Variants in ZNF493 observed in about 807,000 individuals in gnomAD.
ZNF493 encodes zinc finger protein 493.
In ZNF493, 11 loss-of-function variants were observed where a neutral mutation model predicts 12.2. The observed-to-expected ratio is 0.90, with a 90% confidence interval of 0.57 to 1.50. ZNF493 has a LOEUF of 1.50. ZNF493 is among the 40% of genes most tolerant of loss of function. The probability of loss-of-function intolerance (pLI) is 0.00; values close to 1 mark genes in which losing one functional copy is unlikely to be tolerated. For missense variants in ZNF493, 950 were observed against 906.6 expected, an observed-to-expected ratio of 1.05 and a Z score of -0.61; for synonymous variants, 286 against 302.6, an observed-to-expected ratio of 0.95 and a Z score of 0.57.
intron 3 of ZNF493, chr19:21,413,521 G>A (rs2030390273): frequency 2.5e-6 from 1 of 402,378 alleles, no homozygotes; most frequent in Admixed American, 4.4e-5. Context: ...GGGTGGCTGT[G>A]TTCGACGTGT....
chr19:21,418,671 A>G (rs892406185), intron 3 of ZNF493, among the ~76,000 whole-genome samples: 2 of 152,198 alleles, frequency 1.3e-5, no homozygotes, highest in African/African-American at 4.8e-5. Context: ...ACAGAGATTT[A>G]CCCACGTATT....
intron 1 of ZNF493, among the ~76,000 whole-genome samples, chr19:21,401,606 C>CTATT (rs1206283509): frequency 4.6e-5 from 7 of 151,424 alleles, no homozygotes; most frequent in Non-Finnish European, 7.4e-5. Flanking sequence ...GGTGGGCAGG[C>CTATT]TATTTATTTA....
At chr19:21,408,735 A>G (rs1002568557) in intron 3 of ZNF493, 9 of 985,004 alleles carry the variant, frequency 9.1e-6, no homozygotes, top group Middle Eastern at 5.2e-4. Context: ...TCAATTTGCA[A>G]TTCTGTCTGT....
chr19:21,423,652 T>A lies in ZNF493; in HGVS notation c.993T>A (p.Ser331Arg). 2 of 1,609,278 alleles carry A rather than the reference T, an allele frequency of 1.2e-6. No individual in the cohort carries two copies. The highest frequency in any genetic ancestry group is 1.7e-6 in the Non-Finnish European group (2 of 1,179,398). Residue 331 changes from serine to arginine, a missense_variant, in exon 4 of 4, where the codon AGT becomes AGA. Ser to Arg is a moderately radical substitution (Grantham distance 110). Coordinates refer to ENST00000392288, the MANE Select transcript of ZNF493 (RefSeq NM_001076678.3). The part of the protein sequence containing the change: ...YKCEECGKAF[S>R]IFSTPTKHKI... ...GTGAAGAATGTGGCAAAGCCTTTAG[T>A]ATTTTCTCAACCCCTACTAAACATA... is the stretch of plus-strand genomic sequence containing the variant.
At chr19:21,419,107 G>GAA (rs2030579674) in intron 3 of ZNF493, among the ~76,000 whole-genome samples, 1 of 152,106 alleles carries the variant, frequency 6.6e-6, no homozygotes, top group Non-Finnish European at 1.5e-5. Context: ...GGAAGACCTT[G>GAA]GCTTGTTAGC....
chr19:21,415,156 A>G (rs1315524352), intron 3 of ZNF493, among the ~76,000 whole-genome samples: 2 of 152,158 alleles, frequency 1.3e-5, no homozygotes, highest in Admixed American at 6.5e-5. Context: ...TTGGACAATA[A>G]CACCAGTAGG....
chr19:21,404,096 A>C (rs1411659800), intron 1 of ZNF493, among the ~76,000 whole-genome samples: 1 of 152,218 alleles, frequency 6.6e-6, no homozygotes, highest in Non-Finnish European at 1.5e-5. Context: ...TAAAATGCTT[A>C]TTTAAACAGG....
chr19:21,405,903 G>C, intron 3 of ZNF493, 47 bp downstream of exon 3: 35 of 217,188 alleles, frequency 1.6e-4, no homozygotes, highest in Non-Finnish European at 2.4e-4. Flanking sequence ...AAGGTTGAAA[G>C]ATTTAAAAAA....
intron 3 of ZNF493, chr19:21,414,745 G>A (rs972541728): frequency 1.5e-4 from 23 of 152,124 alleles, no homozygotes; most frequent in Admixed American, 6.6e-4. Flanking sequence ...AGTATAGGGC[G>A]TCTGGAAAAC....
At chr19:21,413,471 C>T (rs1414629638) in intron 3 of ZNF493, 1 of 404,892 alleles carries the variant, frequency 2.5e-6, no homozygotes, top group Non-Finnish European at 4.3e-6. Flanking sequence ...TTCAGGTTTT[C>T]TTCCGCCATC....
chr19:21,405,676 TTACA>T, intron 2 of ZNF493, 81 bp from the exon 3 acceptor site: 5 of 1,191,520 alleles, frequency 4.2e-6, no homozygotes, highest in Non-Finnish European at 5.9e-6. Context: ...GAATATTCTA[TTACA>T]TCCTCTTTAC....
rs2030885789 is a variant in ZNF493 at position 21,427,542 on chromosome 19, T to A, written c.*2558T>A. Reference sequence around the variant, plus strand: ...TCAACATTTTTAACATGGTAAATATTATTGTGCATTCAATAAAGTGTTGTT... The same window carrying A: ...TCAACATTTTTAACATGGTAAATATAATTGTGCATTCAATAAAGTGTTGTT... On this transcript the variant is annotated 3_prime_UTR_variant, in exon 4 of 4. Coordinates refer to ENST00000392288, the MANE Select transcript of ZNF493 (RefSeq NM_001076678.3). The A allele has an allele frequency of 6.6e-6, 1 of 152,156 alleles. No homozygotes were observed. Among genetic ancestry groups the A allele is most frequent in the Non-Finnish European group, 1.5e-5 (1 of 68,034 alleles). The allele number at this position is 152,156 out of a possible 1,614,324, so 9.4% of individuals were successfully genotyped here.
At chr19:21,421,259 G>A (rs1018227343) in intron 3 of ZNF493, among the ~76,000 whole-genome samples, 2 of 150,734 alleles carry the variant, frequency 1.3e-5, no homozygotes, top group East Asian at 3.9e-4. Flanking sequence ...AAATATTTTT[G>A]TTCTTATTTC....
rs141784086 is a variant in ZNF493, at chr19:21,400,140, G to A, written c.30+2873G>A. ...CAATATAAGCAACTTGGCCGGGCGC[G>A]GTGGCTCATGCCTGTAATCCCAGCA... On this transcript the variant is annotated intron_variant, in intron 1 of 3. Transcript: ENST00000392288. 3.8e-3 allele frequency among the ~76,000 whole-genome samples: 574 copies of A among 152,188 alleles called. 3 individuals are homozygous for A. Among genetic ancestry groups the A allele is most frequent in the African/African-American group, 0.013 (529 of 41,526 alleles).
At chr19:21,419,102 A>T (rs2030579115) in intron 3 of ZNF493, among the ~76,000 whole-genome samples, 1 of 152,142 alleles carries the variant, frequency 6.6e-6, no homozygotes, top group Non-Finnish European at 1.5e-5. Flanking sequence ...GATGTGGAAG[A>T]CCTTGGCTTG....
At chr19:21,405,668 ATATTC>A in intron 2 of ZNF493, 88 bp from the exon 3 acceptor site, 1 of 1,145,092 alleles carries the variant, frequency 8.7e-7, no homozygotes, top group Non-Finnish European at 1.2e-6. Context: ...ATTTTCTAGA[ATATTC>A]TATTACATCC....
chr19:21,405,316 C>T, intron 2 of ZNF493, 61 bp downstream of exon 2: 1 of 1,555,986 alleles, frequency 6.4e-7, no homozygotes, highest in South Asian at 1.2e-5. Flanking sequence ...TCTCTGTTTT[C>T]ATAGAATAAT....
chr19:21,400,247 T>TAAAAATAG (rs2029895774), intron 1 of ZNF493, among the ~76,000 whole-genome samples: 1 of 152,032 alleles, frequency 6.6e-6, no homozygotes, highest in Non-Finnish European at 1.5e-5. Flanking sequence ...CTGCCTCTAC[T>TAAAAATAG]AAAAATAGAA....
At chr19:21,422,791 C>A in intron 3 of ZNF493, 122 bp from the exon 4 acceptor site, 5 of 801,880 alleles carry the variant, frequency 6.2e-6, no homozygotes, top group Non-Finnish European at 9.2e-6. Context: ...AGAATTAGAG[C>A]CTTTGGTATT....
Sources: gnomAD v4.1 joint callset for allele counts (sites outside exome capture counted in the v4.1 genomes callset) on GRCh38, gnomAD v4.1.1 for gene constraint, MANE v1.5 for transcripts, NCBI Gene and HGNC (gene_info 2026-07-23, HGNC 2026-07-21) for gene names.